The following MDM2 variants were observed in gnomAD, a reference collection of about 807,000 sequenced individuals.
MDM2 encodes E3 ubiquitin-protein ligase Mdm2.
In MDM2, 11 loss-of-function variants were observed where a neutral mutation model predicts 64.3. That is an observed-to-expected ratio of 0.17 (90% CI 0.11 to 0.28). The LOEUF is 0.28. Ranked by LOEUF, MDM2 falls within the 10% of genes least tolerant of loss-of-function variation. MDM2 has a pLI of 1.00. For synonymous variants in MDM2, 194 were observed against 192.9 expected, an observed-to-expected ratio of 1.01 and a Z score of -0.05; for missense variants, 388 against 577.1, an observed-to-expected ratio of 0.67 and a Z score of 3.36.
chr12:68,827,520 T>C (rs1041655922), intron 7 of MDM2, among the ~76,000 whole-genome samples: 8 of 152,208 alleles, frequency 5.3e-5, no homozygotes, highest in African/African-American at 1.9e-4. Flanking sequence ...CTTTTAACTT[T>C]TGTTTGGTAT....
At chr12:68,827,807 T>G (rs1030349694) in intron 7 of MDM2, among the ~76,000 whole-genome samples, 2 of 152,222 alleles carry the variant, frequency 1.3e-5, no homozygotes, top group African/African-American at 4.8e-5. Flanking sequence ...ATGGAAACTT[T>G]TTACTGGTTT....
intron 3 of MDM2, chr12:68,814,461 C>A: frequency 4.9e-6 from 1 of 204,778 alleles, no homozygotes; most frequent in East Asian, 1.4e-4. Context: ...GTGATGAAAT[C>A]ACAGGTATTA....
Position 68,808,982 on chromosome 12 carries a change from C to T in MDM2, c.15-226C>T, listed in dbSNP as rs780712220. On this transcript the variant is annotated intron_variant, in intron 1 of 10. Coordinates refer to ENST00000258149, the MANE Select transcript of MDM2 (RefSeq NM_002392.6). ...AAGGAGTTAAGTCCTGACTTGTCTC[C>T]AGCTGGGGCTATTTAAACCATGCAT... 100 of 1,424,554 alleles carry T rather than the reference C, an allele frequency of 7.0e-5. No homozygotes were observed. The Middle Eastern group carries it at 3.9e-3, about 56-fold the overall frequency. 88.2% of individuals were successfully genotyped at this position (1,424,554 alleles called of 1,614,324 possible). A position where few individuals can be genotyped will look rare whatever the true frequency, so the allele number is the denominator to read the frequency against.
chr12:68,810,733 T>A (rs1007772151), intron 2 of MDM2, among the ~76,000 whole-genome samples: 4 of 152,094 alleles, frequency 2.6e-5, no homozygotes, highest in African/African-American at 9.7e-5. Flanking sequence ...AGTGCTGGGA[T>A]TACAGGCGTG....
At chr12:68,813,697 C>T (rs952788124) in intron 3 of MDM2, 69 bp downstream of exon 3, 1 of 1,139,106 alleles carries the variant, frequency 8.8e-7, no homozygotes, top group African/African-American at 1.6e-5. Context: ...TTTTCAAGAC[C>T]ATGTGGAGAA....
At chr12:68,836,512 C>T in intron 9 of MDM2, 160 bp from the exon 10 acceptor site, 1 of 552,364 alleles carries the variant, frequency 1.8e-6, no homozygotes, top group Non-Finnish European at 3.3e-6. Flanking sequence ...TCTCTCTCCT[C>T]CATTTTTTCC....
chr12:68,809,137 T>G (rs1409810752), intron 1 of MDM2, 71 bp from the exon 2 acceptor site: 37 of 1,593,162 alleles, frequency 2.3e-5, no homozygotes, highest in Non-Finnish European at 3.2e-5. Flanking sequence ...TTTATGTTCT[T>G]TATATATGAT....
At chr12:68,809,162 T>G (rs761541076) in intron 1 of MDM2, 46 bp from the exon 2 acceptor site, 1 of 1,605,948 alleles carries the variant, frequency 6.2e-7, no homozygotes, top group Non-Finnish European at 8.5e-7. Flanking sequence ...TTTCCACAGA[T>G]GTTTCATGAT....
rs1348430396 is a variant in MDM2, at chr12:68,842,539, TA to T, written c.*2692del. The stretch of plus-strand genomic sequence containing the variant: ...TCTACATTGCTGTCTACAAAACAGA[TA>T]ATATGGATGTTTGATCGCATCTCAT... On this transcript the variant is annotated 3_prime_UTR_variant, in exon 11 of 11. Transcript: ENST00000258149. The T allele has an allele frequency of 5.7e-6, 2 of 353,436 alleles. No individual in the cohort carries two copies. The highest frequency in any genetic ancestry group is 1.1e-5 in the Non-Finnish European group (2 of 180,390). The allele number at this position is 353,436 out of a possible 1,614,324, so 21.9% of individuals were successfully genotyped here.
Position 68,844,296 on chromosome 12 carries a change from T to G in MDM2, c.*4447T>G, listed in dbSNP as rs1884072585. On this transcript the variant is annotated 3_prime_UTR_variant, in exon 11 of 11. Coordinates refer to ENST00000258149, the MANE Select transcript of MDM2 (RefSeq NM_002392.6). Reference sequence around the variant, plus strand: ...ACAAGTCTGAATGTGTTTCTTTTTCTGGAATGGCCATGCCTGCCCACTTTA... The same window carrying G: ...ACAAGTCTGAATGTGTTTCTTTTTCGGGAATGGCCATGCCTGCCCACTTTA... 1 of 221,404 alleles carries G rather than the reference T, an allele frequency of 4.5e-6. No homozygotes were observed. The highest frequency in any genetic ancestry group is 5.8e-5 in the Admixed American group (1 of 17,370). 13.7% of individuals were successfully genotyped at this position (221,404 alleles called of 1,614,324 possible). A position where few individuals can be genotyped will look rare whatever the true frequency, so the allele number is the denominator to read the frequency against.
At position 68,828,828 on chromosome 12, in the gene MDM2, G is replaced by A; in HGVS notation, c.581G>A (p.Ser194Asn). ...CAAAGAAAACGCCACAAATCTGATA[G>A]TATTTCCCTTTCCTTTGATGAAAGC... is the stretch of plus-strand genomic sequence containing the variant. ...ERQRKRHKSDSISLSFDESLA... is the reference protein window; with the variant it reads ...ERQRKRHKSDNISLSFDESLA... The change falls in exon 8 of 11, where the codon AGT (serine) becomes AAT (asparagine). Residue 194 changes from serine (S) to asparagine (N), a missense_variant. Ser to Asn is a conservative substitution (Grantham distance 46). Transcript: ENST00000258149. The A allele has an allele frequency of 6.2e-7, 1 of 1,614,036 alleles. No homozygotes were observed. Among genetic ancestry groups the A allele is most frequent in the Non-Finnish European group, 8.5e-7 (1 of 1,179,978 alleles).
intron 7 of MDM2, among the ~76,000 whole-genome samples, chr12:68,826,646 CTTAAAA>C (rs1565740059): frequency 3.8e-5 from 4 of 105,912 alleles, no homozygotes; most frequent in Admixed American, 9.7e-5. Flanking sequence ...GAGACTCCCT[CTTAAAA>C]AAAAAAAAAA....
At chr12:68,818,245 AGAT>A (rs1285308838) in intron 4 of MDM2, among the ~76,000 whole-genome samples, 2 of 152,180 alleles carry the variant, frequency 1.3e-5, no homozygotes, top group Non-Finnish European at 1.5e-5. Context: ...ATAGCTGAAA[AGAT>A]GATAATTAAA....
At chr12:68,809,377 A>G (rs1187315871) in intron 2 of MDM2, 85 bp downstream of exon 2, 2 of 1,204,028 alleles carry the variant, frequency 1.7e-6, no homozygotes, top group East Asian at 2.3e-5. Flanking sequence ...CAATTGTAGC[A>G]TGGCTCTGTA....
chr12:68,836,100 G>C, intron 9 of MDM2, 116 bp downstream of exon 9: 1 of 945,238 alleles, frequency 1.1e-6, no homozygotes, highest in South Asian at 2.1e-5. Context: ...TTTACCTCTT[G>C]ATTTGTTTAA....
intron 4 of MDM2, among the ~76,000 whole-genome samples, chr12:68,818,093 C>T (rs1881542685): frequency 6.6e-6 from 1 of 152,164 alleles, no homozygotes; most frequent in African/African-American, 2.4e-5. Flanking sequence ...CACACCCGGC[C>T]TACATTTGGA....
rs1435509707 is a variant in MDM2, at chr12:68,841,339, C to T, written c.*1490C>T. 1 of 207,544 alleles carries T rather than the reference C, an allele frequency of 4.8e-6. No individual in the cohort carries two copies. Among genetic ancestry groups the T allele is most frequent in the Admixed American group, 5.9e-5 (1 of 16,876 alleles). 12.9% of individuals were successfully genotyped at this position (207,544 alleles called of 1,614,324 possible). Reference sequence around the variant, plus strand: ...CTCGAACTCCTGGGCTCAAGAGATCCTCCTGTCTTGGCCTCGCAAAGTGCT... The same window carrying T: ...CTCGAACTCCTGGGCTCAAGAGATCTTCCTGTCTTGGCCTCGCAAAGTGCT... On this transcript the variant is annotated 3_prime_UTR_variant, in exon 11 of 11. Coordinates refer to ENST00000258149, the MANE Select transcript of MDM2 (RefSeq NM_002392.6).
At chr12:68,832,679 A>T (rs1023154345) in intron 8 of MDM2, among the ~76,000 whole-genome samples, 2 of 136,424 alleles carry the variant, frequency 1.5e-5, no homozygotes, top group African/African-American at 5.2e-5. Flanking sequence ...CACCTGGCTA[A>T]TTTTTTTTAC....
intron 7 of MDM2, 94 bp downstream of exon 7, chr12:68,824,745 C>CT: frequency 6.2e-6 from 5 of 808,674 alleles, no homozygotes; most frequent in Non-Finnish European, 5.8e-6. Flanking sequence ...AAATTGTTCC[C>CT]TTTTTTTGGT....
Sources: allele counts gnomAD v4.1 joint callset (sites outside exome capture counted in the v4.1 genomes callset), GRCh38; gene constraint gnomAD v4.1.1; transcripts MANE v1.5; gene names NCBI Gene and HGNC (gene_info 2026-07-23, HGNC 2026-07-21).